ATP6V0B: variants seen among roughly 807,000 people sequenced by gnomAD.
ATP6V0B encodes V-type proton ATPase 21 kDa proteolipid subunit c''.
ATP6V0B carries 4 observed loss-of-function variants against 26.2 expected under a neutral mutation model. The observed-to-expected ratio is 0.15, with a 90% CI of 0.08 to 0.35. The LOEUF (loss-of-function observed/expected upper bound fraction) is 0.35, where lower values mean the gene tolerates loss of function less well. Ranked by LOEUF, ATP6V0B falls within the 10% of genes least tolerant of loss-of-function variation. The pLI is 1.00. For synonymous variants in ATP6V0B, 110 were observed against 105.8 expected (o/e 1.04, Z -0.24); for missense variants, 175 against 272.5 (o/e 0.64, Z 2.52).
At chr1:43,977,385 T>G in intron 7 of ATP6V0B, 169 bp downstream of exon 7, 1 of 1,519,898 alleles carries the variant, frequency 6.6e-7, no homozygotes, top group Non-Finnish European at 8.8e-7. Context: ...GGGCTCTCTA[T>G]TTTTGTCTCT....
rs1226032721 is a variant in ATP6V0B at position 43,976,507 on chromosome 1, G to C, written c.279-83G>C. On this transcript the variant is annotated intron_variant, in intron 4 of 7. Transcript: ENST00000472174. The surrounding 1 kb of genome is among the most constrained non-coding windows in gnomAD (Gnocchi z 4.6). ...GGATGTTATAGGGGAAAGATTGCTG[G>C]GGACTTACTGGGCAGGAAGGACGGT... 39 of 1,565,016 alleles carry C rather than the reference G, an allele frequency of 2.5e-5. No individual in the cohort carries two copies. Among genetic ancestry groups the C allele is most frequent in the Non-Finnish European group, 3.4e-5 (39 of 1,137,368 alleles).
At chr1:43,975,567 G>T in intron 1 of ATP6V0B, 1 of 593,354 alleles carries the variant, frequency 1.7e-6, no homozygotes, top group Non-Finnish European at 3.0e-6. Flanking sequence ...GGGCTTGCGG[G>T]TGGCGACCCT....
Position 43,976,685 on chromosome 1 carries a change from G to T in ATP6V0B, c.348+26G>T. 1 of 1,613,906 alleles carries T rather than the reference G, an allele frequency of 6.2e-7. No individual in the cohort carries two copies. Among genetic ancestry groups the T allele is most frequent in the South Asian group, 1.1e-5 (1 of 91,040 alleles). On this transcript the variant is annotated intron_variant, in intron 5 of 7. Transcript: ENST00000472174. This position sits in a 1 kb window ranked among gnomAD's most constrained non-coding sequence, Gnocchi z 4.6. ...GTATGGAAGGCCAGGGTGGTGGCGG[G>T]AATCCATTCCAGTGTGTTCTACACA...
Position 43,978,133 on chromosome 1 carries a change from GCTGCGTGTTGATTTGGAGGCA to G in ATP6V0B, c.*131_*151del. ...AGGGCCCTCCCTGCACTCCCCTCTTGCTGCGTGTTGATTTGGAGGCACTGCAGTCCAGGCCGAGTCCTCAGT... is the reference window on the plus strand; with the variant it reads ...AGGGCCCTCCCTGCACTCCCCTCTTGCTGCAGTCCAGGCCGAGTCCTCAGT... On this transcript the variant is annotated 3_prime_UTR_variant, in exon 8 of 8. Coordinates refer to ENST00000472174, the MANE Select transcript of ATP6V0B (RefSeq NM_004047.5). 1 of 1,388,404 alleles carries G rather than the reference GCTGCGTGTTGATTTGGAGGCA, an allele frequency of 7.2e-7. No individual in the cohort carries two copies. 86.0% of individuals were successfully genotyped at this position (1,388,404 alleles called of 1,614,324 possible).
intron 7 of ATP6V0B, chr1:43,977,716 T>A: frequency 1.4e-6 from 2 of 1,435,530 alleles, no homozygotes; most frequent in South Asian, 3.0e-5. Context: ...CCTGAGGGTC[T>A]GAGTGTGACT....
At chr1:43,975,398 T>C in intron 1 of ATP6V0B, 2 of 557,318 alleles carry the variant, frequency 3.6e-6, no homozygotes, top group Admixed American at 7.2e-5. Context: ...CCTTTCTTGC[T>C]CCTGACCGGC....
rs765233864 is a variant in ATP6V0B, at chr1:43,977,205, G to A, written c.580G>A (p.Ala194Thr). The change falls in exon 7 of 8, where the codon GCA becomes ACA. Residue 194 changes from alanine (A) to threonine (T), a missense_variant. Around this residue, in one of 3 missense-constraint regions of ATP6V0B, gnomAD observed 97 missense variants for 158.0 expected, o/e 0.61. Transcript: ENST00000472174. ...SAIGLFGVIV[A>T]ILQTSRVKMG... is the part of the protein sequence containing the mutation. ...CATTGGCCTCTTTGGGGTCATCGTC[G>A]CAATTCTTCAGGTGATGAATCCCCT... is the stretch of plus-strand genomic sequence containing the variant. 5.0e-6 allele frequency: 8 copies of A among 1,614,218 alleles called. No homozygotes were observed. Among genetic ancestry groups the A allele is most frequent in the Admixed American group, 1.7e-5 (1 of 60,016 alleles).
Position 43,976,022 on chromosome 1 carries a change from G to A in ATP6V0B, c.117-68G>A, listed in dbSNP as rs2085515683. On this transcript the variant is annotated intron_variant, in intron 2 of 7. Transcript: ENST00000472174. This position sits in a 1 kb window ranked among gnomAD's most constrained non-coding sequence, Gnocchi z 4.6. ...GGTGGTGGGGTTGAAGGGGGTTTGA[G>A]GGGTTAAGATTTTGTGCTCCGCTTC... 6 of 1,564,360 alleles carry A rather than the reference G, an allele frequency of 3.8e-6. No homozygotes were observed. Among genetic ancestry groups the A allele is most frequent in the Non-Finnish European group, 5.3e-6 (6 of 1,135,372 alleles).
At position 43,976,316 on chromosome 1, in the gene ATP6V0B, C is replaced by T. The variant is rs1451263786; in HGVS notation, c.215C>T (p.Thr72Ile). 2.0e-5 allele frequency: 33 copies of T among 1,613,736 alleles called. No individual in the cohort carries two copies. The highest frequency in any genetic ancestry group is 2.7e-5 in the Non-Finnish European group (32 of 1,179,858). Reference sequence around the variant, plus strand: ...CCTTCCACCAGGGGCATCTATATTACCGGCTCCTCCATCATTGGTGGAGGA... The same window carrying T: ...CCTTCCACCAGGGGCATCTATATTATCGGCTCCTCCATCATTGGTGGAGGA... Reference protein sequence around the residue: ...VVGAAWGIYITGSSIIGGGVK... With the variant: ...VVGAAWGIYIIGSSIIGGGVK... The change falls in exon 4 of 8, where the codon ACC becomes ATC. Residue 72 changes from threonine (T) to isoleucine (I), a missense_variant. Physicochemically the swap from Thr to Ile is moderately conservative, Grantham distance 89. This residue lies in a region of ATP6V0B where 75 missense variants were observed against 94.7 expected (regional missense o/e 0.79). Transcript: ENST00000472174. The surrounding 1 kb of genome is among the most constrained non-coding windows in gnomAD (Gnocchi z 4.6).
rs761963795 is a variant in ATP6V0B at position 43,977,302 on chromosome 1, C to G, written c.591+86C>G. ...CTGGAGAAGCTGAAGTGCTCTCCTT[C>G]TCTACCTATAACTATAGATTCCCCC... is the stretch of plus-strand genomic sequence containing the variant. On this transcript the variant is annotated intron_variant, in intron 7 of 7. Coordinates refer to ENST00000472174, the MANE Select transcript of ATP6V0B (RefSeq NM_004047.5). 2.5e-6 allele frequency: 4 copies of G among 1,611,270 alleles called. No homozygotes were observed. In the African/African-American group the frequency reaches 4.0e-5, roughly 16 times the overall value.
rs370780520 is a variant in ATP6V0B, at chr1:43,977,016, A to G, written c.401-10A>G. On this transcript the variant is annotated splice_polypyrimidine_tract_variant and intron_variant, in intron 6 of 7. Coordinates refer to ENST00000472174, the MANE Select transcript of ATP6V0B (RefSeq NM_004047.5). ...GCTTAGCCTCACTGCACCCCTCTCTATCCTCCCAGGCTACTCCATGTTTGG... is the reference window on the plus strand; with the variant it reads ...GCTTAGCCTCACTGCACCCCTCTCTGTCCTCCCAGGCTACTCCATGTTTGG... 2.4e-5 allele frequency: 38 copies of G among 1,602,002 alleles called. No homozygotes were observed. Among genetic ancestry groups the G allele is most frequent in the African/African-American group, 1.3e-4 (10 of 74,540 alleles).
rs1282173262 is a variant in ATP6V0B at position 43,978,153 on chromosome 1, C to T, written c.*146C>T. The T allele has an allele frequency of 3.3e-6, 4 of 1,201,782 alleles. No homozygotes were observed. In the East Asian group the frequency reaches 7.0e-5, roughly 21 times the overall value. 74.4% of individuals were successfully genotyped at this position (1,201,782 alleles called of 1,614,324 possible). The stretch of plus-strand genomic sequence containing the variant: ...CTCTTGCTGCGTGTTGATTTGGAGG[C>T]ACTGCAGTCCAGGCCGAGTCCTCAG... On this transcript the variant is annotated 3_prime_UTR_variant, in exon 8 of 8. Transcript: ENST00000472174.
intron 1 of ATP6V0B, 34 bp downstream of exon 1, chr1:43,975,141 C>T (rs866801704): frequency 7.1e-7 from 1 of 1,409,158 alleles, no homozygotes; most frequent in East Asian, 2.9e-5. Context: ...GGAGCAGCAT[C>T]GCGGCCGAGC....
chr1:43,976,054 A>G lies in ATP6V0B; in HGVS notation c.117-36A>G. ...AGATTTTGTGCTCCGCTTCCCTGCT[A>G]GAGCTGAACTGCTTTCTTCTCTGCT... On this transcript the variant is annotated intron_variant, in intron 2 of 7. Coordinates refer to ENST00000472174, the MANE Select transcript of ATP6V0B (RefSeq NM_004047.5). The surrounding 1 kb of genome is among the most constrained non-coding windows in gnomAD (Gnocchi z 4.6). 2 of 1,602,198 alleles carry G rather than the reference A, an allele frequency of 1.2e-6. No individual in the cohort carries two copies. The highest frequency in any genetic ancestry group is 2.2e-5 in the South Asian group (2 of 90,784).
chr1:43,977,989 AG>A lies in ATP6V0B; in HGVS notation c.601del (p.Val201Ter). The A allele has an allele frequency of 6.2e-7, 1 of 1,614,056 alleles. No homozygotes were observed. Among genetic ancestry groups the A allele is most frequent in the Non-Finnish European group, 8.5e-7 (1 of 1,180,004 alleles). On this transcript the variant is annotated frameshift_variant, in exon 8 of 8. Coordinates refer to ENST00000472174, the MANE Select transcript of ATP6V0B (RefSeq NM_004047.5). LOFTEE classifies it high-confidence loss of function. ...VIVAILQTSR[V>X]KMGD ...CTGTTCTTTTTTTGCAGACCTCCAGAGTGAAGATGGGTGACTAGATGATATG... is the reference window on the plus strand; with the variant it reads ...CTGTTCTTTTTTTGCAGACCTCCAGATGAAGATGGGTGACTAGATGATATG...
In ATP6V0B at chr1:43,975,990, T is replaced by C. The variant is rs72890653; in HGVS notation, c.117-100T>C. On this transcript the variant is annotated intron_variant, in intron 2 of 7. Transcript: ENST00000472174. ...GAAATACGCGGTCAGTTGTTGCCTG[T>C]AGAACTGGTGGTGGGGTTGAAGGGG... 6.6e-3 allele frequency: 10,132 copies of C among 1,525,748 alleles called. 581 individuals carry two copies. In the African/African-American group the frequency reaches 0.12, roughly 19 times the overall value. The allele number at this position is 1,525,748 out of a possible 1,614,324, so 94.5% of individuals were successfully genotyped here. A position where few individuals can be genotyped will look rare whatever the true frequency, so the allele number is the denominator to read the frequency against.
At position 43,975,168 on chromosome 1, in the gene ATP6V0B, C is replaced by A. The variant is rs772090056; in HGVS notation, c.67+61C>A. 2.3e-4 allele frequency: 319 copies of A among 1,403,942 alleles called. 1 individual carries two copies. Among genetic ancestry groups the A allele is most frequent in the Non-Finnish European group, 2.9e-4 (310 of 1,081,048 alleles). The allele number at this position is 1,403,942 out of a possible 1,614,324, so 87.0% of individuals were successfully genotyped here. A position where few individuals can be genotyped will look rare whatever the true frequency, so the allele number is the denominator to read the frequency against. On this transcript the variant is annotated intron_variant, in intron 1 of 7. Transcript: ENST00000472174. ...CGGCCGAGCTGGCCGGGTCGGAACT[C>A]GGCGGGGAAGTGGCCTGCGGGGAAT...
Position 43,978,250 on chromosome 1 carries a change from C to A in ATP6V0B, c.*243C>A. The A allele has an allele frequency of 3.3e-6, 2 of 598,674 alleles. No individual in the cohort carries two copies. Among genetic ancestry groups the A allele is most frequent in the Non-Finnish European group, 3.0e-6 (1 of 335,524 alleles). 37.1% of individuals were successfully genotyped at this position (598,674 alleles called of 1,614,324 possible). On this transcript the variant is annotated 3_prime_UTR_variant, in exon 8 of 8. Coordinates refer to ENST00000472174, the MANE Select transcript of ATP6V0B (RefSeq NM_004047.5). Reference sequence around the variant, plus strand: ...GTGTCCCCCACCTCCACCCTCAACCCATCTTCCTAGTGTTTGTGAAATAAA... The same window carrying A: ...GTGTCCCCCACCTCCACCCTCAACCAATCTTCCTAGTGTTTGTGAAATAAA...
chr1:43,978,128 C>T lies in ATP6V0B; in HGVS notation c.*121C>T, dbSNP rs1005346945. ...TGTTCAGGGCCCTCCCTGCACTCCC[C>T]TCTTGCTGCGTGTTGATTTGGAGGC... On this transcript the variant is annotated 3_prime_UTR_variant, in exon 8 of 8. Coordinates refer to ENST00000472174, the MANE Select transcript of ATP6V0B (RefSeq NM_004047.5). The T allele has an allele frequency of 9.4e-5, 133 of 1,410,852 alleles. No individual in the cohort carries two copies. The highest frequency in any genetic ancestry group is 1.5e-4 in the Admixed American group (9 of 59,116). 87.4% of individuals were successfully genotyped at this position (1,410,852 alleles called of 1,614,324 possible).
Sources: allele counts gnomAD v4.1 joint callset, GRCh38; gene constraint gnomAD v4.1.1; regional missense constraint gnomAD v4.1.1; non-coding constraint Gnocchi (gnomAD v3.1); transcripts MANE v1.5; gene names NCBI Gene and HGNC (gene_info 2026-07-23, HGNC 2026-07-21).